Variants in CCDC69 observed in about 807,000 individuals in gnomAD.
The protein encoded by CCDC69 is coiled-coil domain containing 69, also known as coiled-coil domain-containing protein 69.
In CCDC69, 38 loss-of-function variants were observed where a neutral mutation model predicts 40.3. The ratio of observed to expected loss-of-function variants is 0.94; its 90% CI spans 0.73 to 1.24. The LOEUF is 1.24. Among genes scored for constraint, CCDC69 ranks in the 50% most tolerant of loss-of-function variants. The pLI is 0.00. For missense variants in CCDC69, 389 were observed against 357.9 expected (o/e 1.09, Z -0.70); for synonymous variants, 141 against 138.9 (o/e 1.02, Z -0.11).
At chr5:151,189,296 A>G in intron 4 of CCDC69, among the ~76,000 whole-genome samples, 1 of 152,316 alleles carries the variant, frequency 6.6e-6, no homozygotes, top group Non-Finnish European at 1.5e-5. Context: ...GTTATTAAGA[A>G]GAACCAAAAG....
intron 1 of CCDC69, among the ~76,000 whole-genome samples, chr5:151,219,025 T>C (rs1327602348): frequency 1.3e-5 from 2 of 152,240 alleles, no homozygotes; most frequent in Non-Finnish European, 2.9e-5. Context: ...GCCTTGTGCA[T>C]GGAAGCCTGT....
intron 4 of CCDC69, 175 bp downstream of exon 4, chr5:151,198,822 C>A: frequency 1.8e-6 from 1 of 542,778 alleles, no homozygotes. Flanking sequence ...AATCCATGCC[C>A]CAAAGGAAAA....
At chr5:151,187,657 C>T (rs955323796) in intron 4 of CCDC69, among the ~76,000 whole-genome samples, 198 bp from the exon 5 acceptor site, 5 of 152,122 alleles carry the variant, frequency 3.3e-5, no homozygotes, top group African/African-American at 1.2e-4. Flanking sequence ...TTTAATAAAA[C>T]CTCAAGGAAA....
intron 1 of CCDC69, among the ~76,000 whole-genome samples, chr5:151,208,324 A>C (rs1752882238): frequency 6.6e-6 from 1 of 152,248 alleles, no homozygotes; most frequent in Admixed American, 6.5e-5. Flanking sequence ...ATTATTAAAA[A>C]TGTCCTAAAC....
At chr5:151,223,872 T>C (rs375926867) in intron 1 of CCDC69, 51 bp downstream of exon 1, 1 of 1,568,280 alleles carries the variant, frequency 6.4e-7, no homozygotes, top group Non-Finnish European at 8.7e-7. Flanking sequence ...GCGGAGCGAT[T>C]CCGCACTCCC....
At chr5:151,213,719 T>A (rs536785771) in intron 1 of CCDC69, among the ~76,000 whole-genome samples, 75 of 152,358 alleles carry the variant, frequency 4.9e-4, no homozygotes, top group African/African-American at 1.8e-3. Context: ...GCTAGCCCTC[T>A]TTGGGAGCCA....
Position 151,183,103 on chromosome 5 carries a change from A to C in CCDC69, c.*334T>G. ...GCTGGGACCAGGGGCTGTCTCCTTT[A>C]TGTCAAATGGCCAGCGTGACACAGA... is the stretch of plus-strand genomic sequence containing the variant. On this transcript the variant is annotated 3_prime_UTR_variant, in exon 9 of 9. Coordinates refer to ENST00000355417, the MANE Select transcript of CCDC69 (RefSeq NM_015621.3). The C allele has an allele frequency of 2.0e-6, 1 of 501,650 alleles. No homozygotes were observed. 31.1% of individuals were successfully genotyped at this position (501,650 alleles called of 1,614,324 possible).
At chr5:151,194,376 T>C (rs1208957928) in intron 4 of CCDC69, among the ~76,000 whole-genome samples, 4 of 152,236 alleles carry the variant, frequency 2.6e-5, no homozygotes, top group Non-Finnish European at 4.4e-5. Flanking sequence ...TTGGAATGAA[T>C]GTCAAAGGCA....
intron 1 of CCDC69, 105 bp downstream of exon 1, chr5:151,223,818 T>TCCCGGGCCGACCAGAGAGAG: frequency 8.6e-7 from 1 of 1,160,866 alleles, no homozygotes; most frequent in Non-Finnish European, 1.2e-6. Context: ...CCGTCCGGTA[T>TCCCGGGCCGACCAGAGAGAG]CCCGGGCCGA....
Position 151,205,394 on chromosome 5 carries a change from A to G in CCDC69, c.124+6T>C. The G allele has an allele frequency of 1.2e-6, 2 of 1,612,170 alleles. No individual in the cohort carries two copies. The highest frequency in any genetic ancestry group is 2.2e-5 in the South Asian group (2 of 90,998). On this transcript the variant is annotated splice_donor_region_variant and intron_variant, in intron 2 of 8. Transcript: ENST00000355417. Reference sequence around the variant, plus strand: ...AGTTGGGGCCTTTGTGGGGCTGGCTACTCACCTGTGTCCCCATTGAGGGGA... The same window carrying G: ...AGTTGGGGCCTTTGTGGGGCTGGCTGCTCACCTGTGTCCCCATTGAGGGGA...
intron 2 of CCDC69, among the ~76,000 whole-genome samples, chr5:151,203,856 A>G (rs932046852): frequency 7.3e-6 from 1 of 136,748 alleles, no homozygotes; most frequent in South Asian, 2.1e-4. Context: ...CATATATAGT[A>G]TATATATAAA....
intron 1 of CCDC69, among the ~76,000 whole-genome samples, chr5:151,211,998 T>C (rs1251644369): frequency 2.9e-5 from 3 of 104,398 alleles, no homozygotes; most frequent in Admixed American, 1.1e-4. Flanking sequence ...ACCTGCAGTG[T>C]GTGCGTGGGT....
rs1378036469 is a variant in CCDC69, at chr5:151,185,467, C to T, written c.570G>A (p.Glu190=). ...GCCGCCTGTCCAGCTCATGAATACG[C>T]TCATTCTTCATCTCGATGACAAAGT... The part of the protein sequence containing the change: ...SLHFVIEMKN[E]RIHELDRRLI... The change falls in exon 7 of 9, where the codon GAG becomes GAA. Residue 190 remains glutamate (E), a synonymous_variant. Transcript: ENST00000355417. 6.2e-7 allele frequency: 1 copy of T among 1,614,020 alleles called. No individual in the cohort carries two copies. The highest frequency in any genetic ancestry group is 8.5e-7 in the Non-Finnish European group (1 of 1,179,870).
Position 151,183,205 on chromosome 5 carries a change from T to C in CCDC69, c.*232A>G. On this transcript the variant is annotated 3_prime_UTR_variant, in exon 9 of 9. Transcript: ENST00000355417. ...CAGGGAGGAAATGTCTCCTCTTGCT[T>C]ATTCCCTTGGCCAACTCAAGGGAAG... 1 of 676,506 alleles carries C rather than the reference T, an allele frequency of 1.5e-6. No individual in the cohort carries two copies. 41.9% of individuals were successfully genotyped at this position (676,506 alleles called of 1,614,324 possible).
intron 4 of CCDC69, among the ~76,000 whole-genome samples, chr5:151,197,097 C>T (rs1752710244): frequency 6.6e-6 from 1 of 152,224 alleles, no homozygotes; most frequent in Non-Finnish European, 1.5e-5. Flanking sequence ...AAGGTGAAAA[C>T]ATTCCAAGGT....
chr5:151,185,332 A>C, intron 7 of CCDC69, 90 bp downstream of exon 7: 19 of 1,480,868 alleles, frequency 1.3e-5, no homozygotes, highest in Non-Finnish European at 1.7e-5. Context: ...GGACCTCCTC[A>C]AACCACCTCC....
rs1442357172 is a variant in CCDC69, at chr5:151,182,716, C to A, written c.*721G>T. 4 of 298,820 alleles carry A rather than the reference C, an allele frequency of 1.3e-5. No individual in the cohort carries two copies. Among genetic ancestry groups the A allele is most frequent in the Non-Finnish European group, 2.7e-5 (4 of 150,688 alleles). The allele number at this position is 298,820 out of a possible 1,614,324, so 18.5% of individuals were successfully genotyped here. Reference sequence around the variant, plus strand: ...GGCCAGGAGGGCTGAGGGGATGCACCTTGCCTGGTAAAGGAAGAGGAGCTC... The same window carrying A: ...GGCCAGGAGGGCTGAGGGGATGCACATTGCCTGGTAAAGGAAGAGGAGCTC... On this transcript the variant is annotated 3_prime_UTR_variant, in exon 9 of 9. Transcript: ENST00000355417.
chr5:151,189,479 G>A (rs909637445), intron 4 of CCDC69, among the ~76,000 whole-genome samples: 26 of 151,636 alleles, frequency 1.7e-4, no homozygotes, highest in South Asian at 2.1e-4. Context: ...AAAAATGAAC[G>A]GAGCTTCAGA....
intron 4 of CCDC69, among the ~76,000 whole-genome samples, chr5:151,190,492 C>G (rs190278665): frequency 1.5e-3 from 220 of 151,682 alleles, no homozygotes; most frequent in Non-Finnish European, 1.4e-3. Context: ...ATGGTGAAAC[C>G]CGGTCTCTAC....
Sources: gnomAD v4.1 joint callset for allele counts (sites outside exome capture counted in the v4.1 genomes callset) on GRCh38, gnomAD v4.1.1 for gene constraint, MANE v1.5 for transcripts, NCBI Gene and HGNC (gene_info 2026-07-23, HGNC 2026-07-21) for gene names.